TRIM8: variants seen among roughly 807,000 people sequenced by gnomAD.
The protein encoded by TRIM8 is tripartite motif containing 8, also known as E3 ubiquitin-protein ligase TRIM8.
Under a neutral mutation model 55.7 loss-of-function variants are expected in TRIM8, and 9 were observed. That is an observed-to-expected ratio of 0.16 (90% confidence interval 0.10 to 0.28). The LOEUF is 0.28. Among genes scored for constraint, TRIM8 ranks in the 10% least tolerant of loss-of-function variants. The probability of loss-of-function intolerance (pLI) is 1.00; values close to 1 mark genes in which losing one functional copy is unlikely to be tolerated. For synonymous variants in TRIM8, 335 were observed against 333.3 expected (o/e 1.01, Z -0.06); for missense variants, 556 against 736.4 (o/e 0.76, Z 2.83).
At chr10:102,653,479 T>C (rs1470022473) in intron 1 of TRIM8, 1 of 150,316 alleles carries the variant, frequency 6.7e-6, no homozygotes, top group Admixed American at 6.6e-5. Context: ...TCACGGAGAG[T>C]TTTTGAGCAG....
intron 1 of TRIM8, among the ~76,000 whole-genome samples, chr10:102,650,439 C>T (rs1030024902): frequency 6.6e-6 from 1 of 152,134 alleles, no homozygotes; most frequent in Admixed American, 6.5e-5. Context: ...TCATAGGCCC[C>T]GGGCAGATCA....
intron 1 of TRIM8, chr10:102,645,476 G>C: frequency 3.3e-6 from 1 of 306,542 alleles, no homozygotes; most frequent in Non-Finnish European, 6.0e-6. Context: ...TTGCTTTTCT[G>C]TGGTGCGCAG....
intron 1 of TRIM8, among the ~76,000 whole-genome samples, chr10:102,652,079 G>C (rs73342660): frequency 0.036 from 5,480 of 152,286 alleles, 341 homozygotes; most frequent in African/African-American, 0.12. Flanking sequence ...TCTGGGGGCA[G>C]GGCAAGGTCT....
Position 102,657,434 on chromosome 10 carries a change from C to T in TRIM8, c.*80C>T, listed in dbSNP as rs560334590. 4 of 1,474,640 alleles carry T rather than the reference C, an allele frequency of 2.7e-6. No homozygotes were observed. The African/African-American group carries it at 4.2e-5, about 16-fold the overall frequency. 91.3% of individuals were successfully genotyped at this position (1,474,640 alleles called of 1,614,324 possible). On this transcript the variant is annotated 3_prime_UTR_variant, in exon 6 of 6. Coordinates refer to ENST00000643721, the MANE Select transcript of TRIM8 (RefSeq NM_030912.3). ...GGAGTTATGCATCCAGAGACCTGCC[C>T]TTCTACCTTCCTCGCCTCCCCTCTT...
rs1045979219 is a variant in TRIM8 at position 102,656,614 on chromosome 10, G to GGAGCAAGCATCACCTGA, written c.1049-130_1049-114dup. The GGAGCAAGCATCACCTGA allele has an allele frequency of 7.1e-7, 1 of 1,407,754 alleles. No individual in the cohort carries two copies. The highest frequency in any genetic ancestry group is 2.3e-5 in the East Asian group (1 of 42,708). 87.2% of individuals were successfully genotyped at this position (1,407,754 alleles called of 1,614,324 possible). A position where few individuals can be genotyped will look rare whatever the true frequency, so the allele number is the denominator to read the frequency against. ...CTATTCTGTACCTCCTAATGGTAGAGGAGCAAGCATCACCTGAGATGTAAC... is the reference window on the plus strand; with the variant it reads ...CTATTCTGTACCTCCTAATGGTAGAGGAGCAAGCATCACCTGAGAGCAAGCATCACCTGAGATGTAAC... On this transcript the variant is annotated intron_variant, in intron 5 of 5. Coordinates refer to ENST00000643721, the MANE Select transcript of TRIM8 (RefSeq NM_030912.3). This position sits in a 1 kb window ranked among gnomAD's most constrained non-coding sequence, Gnocchi z 4.6.
At chr10:102,650,984 G>A (rs1466026669) in intron 1 of TRIM8, among the ~76,000 whole-genome samples, 1 of 152,174 alleles carries the variant, frequency 6.6e-6, no homozygotes, top group Non-Finnish European at 1.5e-5. Context: ...TGAAGCGGCA[G>A]CAGCTCCCAC....
Position 102,644,565 on chromosome 10 carries a change from C to A in TRIM8, c.-53C>A, listed in dbSNP as rs1046313632. 9 of 1,567,380 alleles carry A rather than the reference C, an allele frequency of 5.7e-6. No individual in the cohort carries two copies. The African/African-American group carries it at 1.2e-4, about 21-fold the overall frequency. ...GGCCTACAGCGGCTCCGGACGGACC[C>A]CCGGGGCTGGGGAGTCGGGGAGGCC... On this transcript the variant is annotated 5_prime_UTR_variant, in exon 1 of 6. Coordinates refer to ENST00000643721, the MANE Select transcript of TRIM8 (RefSeq NM_030912.3).
chr10:102,645,237 T>C (rs1236459270), intron 1 of TRIM8, 50 bp downstream of exon 1: 5 of 1,441,458 alleles, frequency 3.5e-6, no homozygotes, highest in East Asian at 5.2e-5. Flanking sequence ...AGACACACAG[T>C]CCCTTCCTCT....
intron 2 of TRIM8, 31 bp downstream of exon 2, chr10:102,654,779 G>C (rs994346035): frequency 6.4e-7 from 1 of 1,561,516 alleles, no homozygotes; most frequent in Non-Finnish European, 8.8e-7. Context: ...GCTGCGGGGT[G>C]GGGGTGGCTT....
chr10:102,649,034 GTGT>G (rs2063959270), intron 1 of TRIM8, among the ~76,000 whole-genome samples: 1 of 10,058 alleles, frequency 9.9e-5, no homozygotes, highest in African/African-American at 8.7e-4. Context: ...CTGTCTGCAG[GTGT>G]GTGTGTGTGT....
chr10:102,655,071 T>G lies in TRIM8; in HGVS notation c.667-9T>G. 1.2e-6 allele frequency: 2 copies of G among 1,612,866 alleles called. No individual in the cohort carries two copies. The highest frequency in any genetic ancestry group is 1.7e-6 in the Non-Finnish European group (2 of 1,179,322). ...CCTGCCTGCCCACTCCTGCCCTCTGTACTCGCAGGAGAAAGTGAACCAACT... is the reference window on the plus strand; with the variant it reads ...CCTGCCTGCCCACTCCTGCCCTCTGGACTCGCAGGAGAAAGTGAACCAACT... On this transcript the variant is annotated splice_polypyrimidine_tract_variant and intron_variant, in intron 2 of 5. Transcript: ENST00000643721.
chr10:102,657,011 G>A lies in TRIM8; in HGVS notation c.1313G>A (p.Ser438Asn). The change falls in exon 6 of 6, where the codon AGC (serine) becomes AAC (asparagine). Residue 438 changes from serine (S) to asparagine (N), a missense_variant. Ser to Asn is a conservative substitution (Grantham distance 46). Transcript: ENST00000643721. ...LPGGAQPVHS[S>N]PVFPPSQYPN... ...GGCGGCGCCCAACCAGTGCACTCAA[G>A]CCCCGTGTTCCCCCCATCGCAGTAT... The A allele has an allele frequency of 6.2e-7, 1 of 1,612,598 alleles. No homozygotes were observed. The highest frequency in any genetic ancestry group is 8.5e-7 in the Non-Finnish European group (1 of 1,179,850).
rs878908602 is a variant in TRIM8, at chr10:102,656,397, G to T, written c.1048+12G>T. 6.2e-7 allele frequency: 1 copy of T among 1,605,330 alleles called. No individual in the cohort carries two copies. The highest frequency in any genetic ancestry group is 8.5e-7 in the Non-Finnish European group (1 of 1,175,330). On this transcript the variant is annotated intron_variant, in intron 5 of 5. Coordinates refer to ENST00000643721, the MANE Select transcript of TRIM8 (RefSeq NM_030912.3). This position sits in a 1 kb window ranked among gnomAD's most constrained non-coding sequence, Gnocchi z 4.6. ...GAAAATGCTAGAAGGTGAGGGTGGG[G>T]TGTTCCGCCGAAGGGAGACAGGGAC...
At chr10:102,653,147 A>AG (rs1271804269) in intron 1 of TRIM8, among the ~76,000 whole-genome samples, 1 of 152,236 alleles carries the variant, frequency 6.6e-6, no homozygotes, top group Admixed American at 6.5e-5. Context: ...ACATATGACT[A>AG]GTGGCTACCA....
In TRIM8 at chr10:102,656,511, C is replaced by T. The variant is rs556673064; in HGVS notation, c.1048+126C>T. ...ACCTGTCCTCATATCCAGGCTTTGC[C>T]ACTTGTAGCTGTGGGACAGTGGGTA... On this transcript the variant is annotated intron_variant, in intron 5 of 5. Coordinates refer to ENST00000643721, the MANE Select transcript of TRIM8 (RefSeq NM_030912.3). This position sits in a 1 kb window ranked among gnomAD's most constrained non-coding sequence, Gnocchi z 4.6. 1.4e-6 allele frequency: 2 copies of T among 1,434,446 alleles called. No individual in the cohort carries two copies. The highest frequency in any genetic ancestry group is 2.5e-5 in the East Asian group (1 of 40,242). 88.9% of individuals were successfully genotyped at this position (1,434,446 alleles called of 1,614,324 possible).
Position 102,656,149 on chromosome 10 carries a change from G to A in TRIM8, c.932+12G>A. Reference sequence around the variant, plus strand: ...ATCCTGATGGACAGGTAAGCTGAGGGCCCTAGCCCTCCCGGGGGCACATCC... The same window carrying A: ...ATCCTGATGGACAGGTAAGCTGAGGACCCTAGCCCTCCCGGGGGCACATCC... On this transcript the variant is annotated intron_variant, in intron 4 of 5. Transcript: ENST00000643721. This position sits in a 1 kb window ranked among gnomAD's most constrained non-coding sequence, Gnocchi z 4.6. 6.2e-7 allele frequency: 1 copy of A among 1,614,036 alleles called. No homozygotes were observed. The highest frequency in any genetic ancestry group is 1.1e-5 in the South Asian group (1 of 91,076).
chr10:102,649,575 G>C (rs1173105712), intron 1 of TRIM8, among the ~76,000 whole-genome samples: 1 of 152,208 alleles, frequency 6.6e-6, no homozygotes, highest in Admixed American at 6.5e-5. Flanking sequence ...CCAGACAAAG[G>C]GGGGCTTTCT....
At chr10:102,653,232 G>A (rs2063998737) in intron 1 of TRIM8, among the ~76,000 whole-genome samples, 1 of 152,212 alleles carries the variant, frequency 6.6e-6, no homozygotes, top group Admixed American at 6.5e-5. Context: ...GGAGGGACCT[G>A]CACAGGCTCA....
In TRIM8 at chr10:102,656,295, C is replaced by G; in HGVS notation, c.958C>G (p.Leu320Val). 1 of 1,614,242 alleles carries G rather than the reference C, an allele frequency of 6.2e-7. No homozygotes were observed. Among genetic ancestry groups the G allele is most frequent in the Non-Finnish European group, 8.5e-7 (1 of 1,180,040 alleles). Residue 320 changes from leucine (L) to valine (V), a missense_variant, in exon 5 of 6, where the codon CTT (leucine) becomes GTT (valine). Transcript: ENST00000643721. The surrounding 1 kb of genome is among the most constrained non-coding windows in gnomAD (Gnocchi z 4.6). ...DRTQTCTSSS[L>V]SPTKIGHLNS... is the part of the protein sequence containing the mutation. ...GACCCAGACCTGCACGAGCAGCAGC[C>G]TTTCCCCCACTAAGATCGGCCACCT...
Sources: allele counts gnomAD v4.1 joint callset (sites outside exome capture counted in the v4.1 genomes callset), GRCh38; gene constraint gnomAD v4.1.1; non-coding constraint Gnocchi (gnomAD v3.1); transcripts MANE v1.5; gene names NCBI Gene and HGNC (gene_info 2026-07-23, HGNC 2026-07-21).